Variants in TMEM243 observed in about 807,000 individuals in gnomAD.
TMEM243 encodes transmembrane protein 243, also known as MDR1 and mitochondrial taxol resistance associated.
Under a neutral mutation model 15.0 loss-of-function variants are expected in TMEM243, and 20 were observed. The observed-to-expected ratio is 1.33, with a 90% CI of 0.94 to 1.93. TMEM243 has a LOEUF of 1.93. TMEM243 is among the 30% of genes most tolerant of loss of function. TMEM243 has a pLI of 0.00. For missense variants in TMEM243, 156 were observed against 142.1 expected, an observed-to-expected ratio of 1.10 and a Z score of -0.50; for synonymous variants, 72 against 52.7, an observed-to-expected ratio of 1.37 and a Z score of -1.59.
At chr7:87,210,294 C>A (rs1271668529) in intron 1 of TMEM243, among the ~76,000 whole-genome samples, 3 of 152,060 alleles carry the variant, frequency 2.0e-5, no homozygotes, top group Non-Finnish European at 4.4e-5. Context: ...GTCATTCAGC[C>A]CCTGGGCCCT....
intron 1 of TMEM243, among the ~76,000 whole-genome samples, chr7:87,200,770 A>G (rs1454971463): frequency 3.9e-5 from 6 of 152,312 alleles, no homozygotes; most frequent in African/African-American, 1.2e-4. Flanking sequence ...CAATACCATT[A>G]AGTGATAAAG....
At chr7:87,209,462 G>A (rs1420076501) in intron 1 of TMEM243, among the ~76,000 whole-genome samples, 1 of 150,370 alleles carries the variant, frequency 6.7e-6, no homozygotes, top group Admixed American at 6.6e-5. Context: ...GAGACAGACA[G>A]AGTGAGACAG....
At chr7:87,211,241 TCTTC>T (rs1802722564) in intron 1 of TMEM243, among the ~76,000 whole-genome samples, 3 of 152,214 alleles carry the variant, frequency 2.0e-5, no homozygotes, top group African/African-American at 7.2e-5. Context: ...GGCACTTTGT[TCTTC>T]CTTTTATAAA....
chr7:87,215,632 C>G (rs890188648), intron 1 of TMEM243, among the ~76,000 whole-genome samples: 1 of 152,096 alleles, frequency 6.6e-6, no homozygotes, highest in Non-Finnish European at 1.5e-5. Context: ...TCAGATATTT[C>G]TTATCATCTT....
chr7:87,197,640 G>A (rs1801409189), intron 3 of TMEM243: 12 of 1,057,640 alleles, frequency 1.1e-5, no homozygotes, highest in Non-Finnish European at 1.5e-5. Flanking sequence ...CTTGAGTGAA[G>A]ATGAATTAAG....
rs141904780 is a variant in TMEM243 at position 87,210,395 on chromosome 7, A to G, written c.78+9031T>C. 6.9e-3 allele frequency among the ~76,000 whole-genome samples: 1,051 copies of G among 152,286 alleles called. 13 individuals carry two copies. Among genetic ancestry groups the G allele is most frequent in the African/African-American group, 0.024 (1,006 of 41,534 alleles). On this transcript the variant is annotated intron_variant, in intron 1 of 3. Coordinates refer to ENST00000257637, the MANE Select transcript of TMEM243 (RefSeq NM_024315.4). ...CTTAACTCATTCCAGCATTAACTCAAAAGTCCAAGTCCAAAGTCTCATCTG... is the reference window on the plus strand; with the variant it reads ...CTTAACTCATTCCAGCATTAACTCAGAAGTCCAAGTCCAAAGTCTCATCTG...
At chr7:87,202,201 C>G (rs1413740318) in intron 1 of TMEM243, among the ~76,000 whole-genome samples, 2 of 152,120 alleles carry the variant, frequency 1.3e-5, no homozygotes, top group East Asian at 3.8e-4. Context: ...ATCCAGAGTT[C>G]AGGAGGGCAC....
chr7:87,219,752 G>A (rs1803372673), upstream of TMEM243: 5 of 529,506 alleles, frequency 9.4e-6, no homozygotes, highest in East Asian at 1.3e-4. Context: ...CAAACACTGC[G>A]TGGCAGACTC....
intron 1 of TMEM243, among the ~76,000 whole-genome samples, chr7:87,217,564 G>A (rs1803199270): frequency 6.6e-6 from 1 of 152,216 alleles, no homozygotes; most frequent in Middle Eastern, 3.4e-3. Context: ...TCAGACCAGG[G>A]GTCTCTCTCC....
At chr7:87,219,781 C>CAA, upstream of TMEM243, 1 of 460,680 alleles carries the variant, frequency 2.2e-6, no homozygotes, top group Admixed American at 3.9e-5. Flanking sequence ...ACGCCCCCGC[C>CAA]CGGGCAGCTC....
chr7:87,196,431 T>TA lies in TMEM243; in HGVS notation c.*204dup, dbSNP rs2129215187. On this transcript the variant is annotated 3_prime_UTR_variant, in exon 4 of 4. Transcript: ENST00000257637. ...TTTTAGCTTTAAGGGTTGGAATGTTTAGGTGCAACATCAGCTCCTTAAAGA... is the reference window on the plus strand; with the variant it reads ...TTTTAGCTTTAAGGGTTGGAATGTTTAAGGTGCAACATCAGCTCCTTAAAGA... 2.1e-6 allele frequency: 1 copy of TA among 475,894 alleles called. No individual in the cohort carries two copies. Among genetic ancestry groups the TA allele is most frequent in the South Asian group, 3.5e-5 (1 of 28,224 alleles). The allele number at this position is 475,894 out of a possible 1,614,324, so 29.5% of individuals were successfully genotyped here. A position where few individuals can be genotyped will look rare whatever the true frequency, so the allele number is the denominator to read the frequency against.
Position 87,210,609 on chromosome 7 carries a change from A to T in TMEM243, c.78+8817T>A, listed in dbSNP as rs899670761. 8.5e-5 allele frequency among the ~76,000 whole-genome samples: 13 copies of T among 152,244 alleles called. 1 individual carries two copies. Among genetic ancestry groups the T allele is most frequent in the East Asian group, 7.7e-4 (4 of 5,196 alleles). ...CAGCAGGGCAGTCATTAAGTCTTAA[A>T]GCTCCAAAATAACCTCCTTTGGCTC... On this transcript the variant is annotated intron_variant, in intron 1 of 3. Transcript: ENST00000257637.
intron 1 of TMEM243, among the ~76,000 whole-genome samples, chr7:87,201,375 T>G (rs780323866): frequency 2.6e-5 from 4 of 152,222 alleles, no homozygotes; most frequent in Non-Finnish European, 4.4e-5. Flanking sequence ...TGAGACCAAC[T>G]GAATCAGAAT....
At chr7:87,219,758 G>A (rs779346525), upstream of TMEM243, 1 of 508,338 alleles carries the variant, frequency 2.0e-6, no homozygotes, top group Non-Finnish European at 3.5e-6. Context: ...CTGCGTGGCA[G>A]ACTCTCAGCG....
chr7:87,209,690 G>GACACAGTGAGAGCGAGACAC (rs57159581), intron 1 of TMEM243, among the ~76,000 whole-genome samples: 11 of 145,318 alleles, frequency 7.6e-5, no homozygotes, highest in South Asian at 6.6e-4. Context: ...GACACAGCGA[G>GACACAGTGAGAGCGAGACAC]AGAGCGAGAC....
chr7:87,196,562 C>CCTTA lies in TMEM243; in HGVS notation c.*70_*73dup. The CCTTA allele has an allele frequency of 6.8e-7, 1 of 1,464,696 alleles. No homozygotes were observed. The highest frequency in any genetic ancestry group is 9.2e-7 in the Non-Finnish European group (1 of 1,083,316). The allele number at this position is 1,464,696 out of a possible 1,614,324, so 90.7% of individuals were successfully genotyped here. On this transcript the variant is annotated 3_prime_UTR_variant, in exon 4 of 4. Transcript: ENST00000257637. ...CTTCTGCAGGAGATTCTTCAGCATA[C>CCTTA]CTTATCCAAAAATTACTCACTGTCC...
At chr7:87,217,563 G>A (rs990050124) in intron 1 of TMEM243, among the ~76,000 whole-genome samples, 1 of 152,090 alleles carries the variant, frequency 6.6e-6, no homozygotes, top group African/African-American at 2.4e-5. Flanking sequence ...CTCAGACCAG[G>A]GGTCTCTCTC....
chr7:87,210,221 GC>G lies in TMEM243; in HGVS notation c.78+9204del, dbSNP rs1173073204. ...CCATGACCTGATCACGTCCCTCCCTGCCCCTCAACATGTGGAGATTACAATT... is the reference window on the plus strand; with the variant it reads ...CCATGACCTGATCACGTCCCTCCCTGCCCTCAACATGTGGAGATTACAATT... On this transcript the variant is annotated intron_variant, in intron 1 of 3. Transcript: ENST00000257637. 2.6e-5 allele frequency among the ~76,000 whole-genome samples: 4 copies of G among 152,190 alleles called. No homozygotes were observed. In the East Asian group the frequency reaches 5.8e-4, roughly 22 times the overall value.
At chr7:87,213,979 A>T (rs923246509) in intron 1 of TMEM243, among the ~76,000 whole-genome samples, 8 of 152,222 alleles carry the variant, frequency 5.3e-5, no homozygotes, top group Non-Finnish European at 1.2e-4. Context: ...GAAGGAATAA[A>T]GGAGCAAGAA....
Sources: allele counts gnomAD v4.1 joint callset (sites outside exome capture counted in the v4.1 genomes callset), GRCh38; gene constraint gnomAD v4.1.1; transcripts MANE v1.5; gene names NCBI Gene and HGNC (gene_info 2026-07-23, HGNC 2026-07-21).